DARS1: variants seen among roughly 807,000 people sequenced by gnomAD.
DARS1 encodes aspartate--tRNA ligase, cytoplasmic.
In DARS1, 51 loss-of-function variants were observed where a neutral mutation model predicts 68.8. The ratio of observed to expected loss-of-function variants is 0.74; its 90% CI spans 0.59 to 0.94. The LOEUF is 0.94. DARS1 is among the 40% of genes least tolerant of loss of function. The pLI is 0.00. For missense variants in DARS1, 607 were observed against 597.3 expected (o/e 1.02, Z -0.17); for synonymous variants, 203 against 190.4 (o/e 1.07, Z -0.55).
chr2:135,943,469 T>G lies in DARS1; in HGVS notation c.332A>C (p.Glu111Ala), dbSNP rs1488865209. Residue 111 changes from glutamate to alanine, a missense_variant, in exon 5 of 16, where the codon GAG (glutamate) becomes GCG (alanine). Physicochemically the swap from Glu to Ala is moderately radical, Grantham distance 107. Transcript: ENST00000264161. ...AACACCTTCTACATCCACAATGCTC[T>G]CTTTGTTGATGCTGTCAAGAGAAAA... ...MVKFAANINK[E>A]SIVDVEGVVR... 6.2e-7 allele frequency: 1 copy of G among 1,613,066 alleles called. No homozygotes were observed. The highest frequency in any genetic ancestry group is 1.1e-5 in the South Asian group (1 of 90,968).
At chr2:135,942,346 C>A (rs202116080) in intron 5 of DARS1, among the ~76,000 whole-genome samples, 1 of 151,968 alleles carries the variant, frequency 6.6e-6, no homozygotes, top group Non-Finnish European at 1.5e-5. Context: ...GAGTTCATGT[C>A]CTTTGTAGGG....
intron 7 of DARS1, among the ~76,000 whole-genome samples, chr2:135,926,600 A>C (rs1681217022): frequency 6.6e-6 from 1 of 152,264 alleles, no homozygotes; most frequent in African/African-American, 2.4e-5. Context: ...GAATTAAACA[A>C]AAAGGAATTA....
chr2:135,971,377 G>A (rs1682365893), intron 3 of DARS1, among the ~76,000 whole-genome samples: 1 of 152,088 alleles, frequency 6.6e-6, no homozygotes, highest in Admixed American at 6.6e-5. Flanking sequence ...AAAAGCAGCT[G>A]ATAAAGTTCA....
chr2:135,943,301 A>C, intron 5 of DARS1, 77 bp downstream of exon 5: 1 of 1,539,542 alleles, frequency 6.5e-7, no homozygotes, highest in Non-Finnish European at 8.7e-7. Flanking sequence ...ATTAGTAAGA[A>C]CATATAAATT....
intron 4 of DARS1, among the ~76,000 whole-genome samples, chr2:135,954,720 T>C (rs1681926325): frequency 6.6e-6 from 1 of 152,146 alleles, no homozygotes. Context: ...AAAATAATAT[T>C]TCACATGCAA....
rs147244717 is a variant in DARS1, at chr2:135,959,807, C to T, written c.320+1589G>A. ...ACTGGAAGCTTTAGGAATGTAACGC[C>T]GAGGTTATAATGCAGTTTAATGGAA... is the stretch of plus-strand genomic sequence containing the variant. On this transcript the variant is annotated intron_variant, in intron 4 of 15. Transcript: ENST00000264161. Among the ~76,000 whole-genome samples, 1,312 of 152,144 alleles carry T rather than the reference C, an allele frequency of 8.6e-3. 16 individuals are homozygous for T. Among genetic ancestry groups the T allele is most frequent in the African/African-American group, 0.028 (1,155 of 41,490 alleles).
intron 5 of DARS1, among the ~76,000 whole-genome samples, chr2:135,941,308 C>A (rs1681590700): frequency 6.6e-6 from 1 of 151,714 alleles, no homozygotes; most frequent in South Asian, 2.1e-4. Flanking sequence ...GGTACCAAAA[C>A]AGATATAGAT....
At position 135,974,754 on chromosome 2, in the gene DARS1, A is replaced by G. The variant is rs554072006; in HGVS notation, c.217+4520T>C. 2.0e-4 allele frequency among the ~76,000 whole-genome samples: 30 copies of G among 152,330 alleles called. 1 individual carries two copies. In the South Asian group the frequency reaches 3.9e-3, roughly 20 times the overall value. On this transcript the variant is annotated intron_variant, in intron 3 of 15. Transcript: ENST00000264161. ...AAATGAGATACAAACATTTGAAAGA[A>G]AAGGACATAATGATCATCATTTGTA... is the stretch of plus-strand genomic sequence containing the variant.
chr2:135,914,562 A>G (rs1245374630), intron 11 of DARS1, 51 bp from the exon 12 acceptor site: 1 of 963,042 alleles, frequency 1.0e-6, no homozygotes, highest in South Asian at 1.3e-5. Context: ...GCAACTTAAA[A>G]ACATTAATAA....
At chr2:135,951,442 T>C (rs984837328) in intron 4 of DARS1, among the ~76,000 whole-genome samples, 3 of 152,238 alleles carry the variant, frequency 2.0e-5, no homozygotes, top group African/African-American at 7.2e-5. Flanking sequence ...CACACATAAG[T>C]TGTAAGCAAA....
chr2:135,963,699 A>T (rs1485947311), intron 3 of DARS1, among the ~76,000 whole-genome samples: 10 of 132,438 alleles, frequency 7.6e-5, no homozygotes, highest in Admixed American at 3.1e-4. Flanking sequence ...TTTTTTTTTG[A>T]GATGGCATCT....
chr2:135,931,778 C>T (rs1266937012), intron 7 of DARS1, among the ~76,000 whole-genome samples: 6 of 152,030 alleles, frequency 3.9e-5, no homozygotes, highest in African/African-American at 1.2e-4. Context: ...AGATTCTCCT[C>T]TTTTTAAGAA....
rs116069651 is a variant in DARS1, at chr2:135,967,122, T to C, written c.218-5624A>G. On this transcript the variant is annotated intron_variant, in intron 3 of 15. Coordinates refer to ENST00000264161, the MANE Select transcript of DARS1 (RefSeq NM_001349.4). ...TGAGGCAATCCTATGTTTTCATCTC[T>C]TCCTGCTGACTTTTAGCTTGCTAAG... Among the ~76,000 whole-genome samples the C allele has an allele frequency of 8.4e-3, 1,278 of 152,360 alleles. 14 individuals are homozygous for C. The highest frequency in any genetic ancestry group is 0.027 in the African/African-American group (1,134 of 41,584).
At chr2:135,982,951 A>T (rs1449658124) in intron 2 of DARS1, among the ~76,000 whole-genome samples, 1 of 152,192 alleles carries the variant, frequency 6.6e-6, no homozygotes, top group East Asian at 1.9e-4. Flanking sequence ...GTTTGGGAAG[A>T]GTCAAGCAAA....
At chr2:135,926,703 T>C (rs1681219536) in intron 7 of DARS1, among the ~76,000 whole-genome samples, 1 of 152,178 alleles carries the variant, frequency 6.6e-6, no homozygotes, top group African/African-American at 2.4e-5. Context: ...TGTATCTTAC[T>C]AGCAAGAATA....
intron 4 of DARS1, among the ~76,000 whole-genome samples, chr2:135,947,165 GGAGGTCGGGGTGGGTGGATGACCT>G (rs1681742587): frequency 3.9e-5 from 6 of 152,226 alleles, no homozygotes; most frequent in Admixed American, 2.6e-4. Context: ...AGCACTTCTG[GGAGGTCGGGGTGGGTGGATGACCT>G]GAGGTCAGGA....
intron 13 of DARS1, among the ~76,000 whole-genome samples, chr2:135,912,085 T>C (rs559395492): frequency 1.3e-5 from 2 of 152,264 alleles, no homozygotes; most frequent in African/African-American, 4.8e-5. Context: ...TAGAAACCAC[T>C]GCAATGGAAA....
chr2:135,927,440 C>A (rs903605101), intron 7 of DARS1, among the ~76,000 whole-genome samples: 1 of 151,988 alleles, frequency 6.6e-6, no homozygotes, highest in Non-Finnish European at 1.5e-5. Context: ...CCTTAAGATA[C>A]CTAAATGAAC....
rs758553618 is a variant in DARS1 at position 135,979,310 on chromosome 2, A to G, written c.181T>C (p.Trp61Arg). 2 of 1,524,250 alleles carry G rather than the reference A, an allele frequency of 1.3e-6. No homozygotes were observed. The highest frequency in any genetic ancestry group is 3.3e-5 in the Admixed American group (2 of 59,908). The allele number at this position is 1,524,250 out of a possible 1,614,324, so 94.4% of individuals were successfully genotyped here. Residue 61 changes from tryptophan to arginine, a missense_variant, in exon 3 of 16, where the codon TGG (tryptophan) becomes CGG (arginine). Coordinates refer to ENST00000264161, the MANE Select transcript of DARS1 (RefSeq NM_001349.4). ...LTIQKADEVV[W>R]VRARVHTSRA... is the part of the protein sequence containing the mutation. ...CTTGTATGAACTCTTGCACGTACCC[A>G]AACAACTTCATCAGCTTTTTGTATT...
Sources: gnomAD v4.1 joint callset for allele counts (sites outside exome capture counted in the v4.1 genomes callset) on GRCh38, gnomAD v4.1.1 for gene constraint, MANE v1.5 for transcripts, NCBI Gene and HGNC (gene_info 2026-07-23, HGNC 2026-07-21) for gene names.